The following COMMD7 variants were observed in gnomAD, a reference collection of about 807,000 sequenced individuals.
COMMD7 encodes COMM domain containing 7.
Under a neutral mutation model 34.8 loss-of-function variants are expected in COMMD7, and 28 were observed. That is an observed-to-expected ratio of 0.80 (90% confidence interval 0.60 to 1.10). The LOEUF (loss-of-function observed/expected upper bound fraction) is 1.10, where lower values mean the gene tolerates loss of function less well. COMMD7 is among the 50% of genes least tolerant of loss of function. The probability of loss-of-function intolerance (pLI) is 0.00; values close to 1 mark genes in which losing one functional copy is unlikely to be tolerated. For synonymous variants in COMMD7, 80 were observed against 86.4 expected, an observed-to-expected ratio of 0.93 and a Z score of 0.41; for missense variants, 211 against 241.6, an observed-to-expected ratio of 0.87 and a Z score of 0.84.
At chr20:32,722,164 G>GA (rs1985203457) in intron 3 of COMMD7, among the ~76,000 whole-genome samples, 1 of 143,024 alleles carries the variant, frequency 7.0e-6, no homozygotes, top group South Asian at 2.3e-4. Flanking sequence ...AGAATTGCTT[G>GA]AACCTTGTCG....
Position 32,728,162 on chromosome 20 carries a change from G to T in COMMD7, c.85-20C>A. ...GAACTGCTGTGAAGAAAACAACACA[G>T]AACATCAGTACAATTTCTACTACTG... On this transcript the variant is annotated intron_variant, in intron 1 of 8. Transcript: ENST00000278980. 6.2e-7 allele frequency: 1 copy of T among 1,613,144 alleles called. No individual in the cohort carries two copies. The highest frequency in any genetic ancestry group is 1.1e-5 in the South Asian group (1 of 91,034).
At chr20:32,737,745 G>T (rs1986219499) in intron 1 of COMMD7, among the ~76,000 whole-genome samples, 1 of 151,888 alleles carries the variant, frequency 6.6e-6, no homozygotes, top group Non-Finnish European at 1.5e-5. Context: ...GGCTGAGGCA[G>T]GAGGACTCCT....
At chr20:32,715,353 T>C (rs1294818514) in intron 3 of COMMD7, among the ~76,000 whole-genome samples, 1 of 145,522 alleles carries the variant, frequency 6.9e-6, no homozygotes, top group African/African-American at 2.5e-5. Context: ...AGTGGTGGCA[T>C]GCACTTGTGG....
chr20:32,739,644 C>CAAA (rs1176056154), intron 1 of COMMD7, among the ~76,000 whole-genome samples: 26 of 55,996 alleles, frequency 4.6e-4, no homozygotes, highest in Non-Finnish European at 7.3e-4. Context: ...GGCTCTGTAT[C>CAAA]AAAAAAAAAA....
chr20:32,712,267 C>T (rs28473582), intron 3 of COMMD7, among the ~76,000 whole-genome samples: 80,607 of 112,874 alleles, frequency 0.71, 28,437 homozygotes, highest in Middle Eastern at 0.84. Context: ...AAGACTCCGT[C>T]TCAAAAAAAA....
chr20:32,727,258 T>C (rs1358560796), intron 3 of COMMD7, among the ~76,000 whole-genome samples: 3 of 151,686 alleles, frequency 2.0e-5, no homozygotes, highest in African/African-American at 7.3e-5. Context: ...AAAAAAATTA[T>C]TAGATTCAGG....
chr20:32,738,478 T>C lies in COMMD7; in HGVS notation c.84+4830A>G, dbSNP rs60859110. Among the ~76,000 whole-genome samples, 235 of 152,192 alleles carry C rather than the reference T, an allele frequency of 1.5e-3. 12 individuals are homozygous for C. In the East Asian group the frequency reaches 0.042, roughly 27 times the overall value. On this transcript the variant is annotated intron_variant, in intron 1 of 8. Transcript: ENST00000278980. ...GGTGCACGCCTGTAGTCCCAGCTAC[T>C]TGGGAGGCTGAGGCAGGAGAATCAC...
At chr20:32,714,996 T>A (rs1984691398) in intron 3 of COMMD7, among the ~76,000 whole-genome samples, 1 of 143,872 alleles carries the variant, frequency 7.0e-6, no homozygotes, top group Non-Finnish European at 1.5e-5. Flanking sequence ...GGCAACGGAG[T>A]GGGACTCTGT....
chr20:32,714,113 A>AAAAAC (rs1319181971), intron 3 of COMMD7, among the ~76,000 whole-genome samples: 2 of 152,088 alleles, frequency 1.3e-5, no homozygotes, highest in African/African-American at 4.8e-5. Context: ...ACTCTGTCTT[A>AAAAAC]AAAACAAAAA....
At position 32,743,237 on chromosome 20, in the gene COMMD7, TC is replaced by T. The variant is rs1005226420; in HGVS notation, c.84+70del. On this transcript the variant is annotated intron_variant, in intron 1 of 8. Coordinates refer to ENST00000278980, the MANE Select transcript of COMMD7 (RefSeq NM_053041.3). ...CCCAACTCCCGCGCACCCCCGGACG[TC>T]CCCCCCACCCCAGGCCCGGATCCTG... 203 of 525,914 alleles carry T rather than the reference TC, an allele frequency of 3.9e-4. 2 individuals carry two copies. Among genetic ancestry groups the T allele is most frequent in the Middle Eastern group, 1.1e-3 (2 of 1,822 alleles). The allele number at this position is 525,914 out of a possible 1,614,324, so 32.6% of individuals were successfully genotyped here. A position where few individuals can be genotyped will look rare whatever the true frequency, so the allele number is the denominator to read the frequency against.
chr20:32,722,837 C>T (rs1181498232), intron 3 of COMMD7, among the ~76,000 whole-genome samples: 30 of 150,972 alleles, frequency 2.0e-4, no homozygotes, highest in Middle Eastern at 3.4e-3. Context: ...CTGGCTAACA[C>T]GGTGAAACCC....
intron 3 of COMMD7, among the ~76,000 whole-genome samples, chr20:32,727,054 ACT>A (rs1482895070): frequency 1.3e-5 from 2 of 151,472 alleles, no homozygotes; most frequent in Admixed American, 6.6e-5. Flanking sequence ...ACATAGAGAG[ACT>A]CTATCTCTAC....
chr20:32,727,257 A>T (rs1470753099), intron 3 of COMMD7, among the ~76,000 whole-genome samples: 3 of 151,976 alleles, frequency 2.0e-5, no homozygotes, highest in South Asian at 2.1e-4. Flanking sequence ...TAAAAAAATT[A>T]TTAGATTCAG....
intron 1 of COMMD7, among the ~76,000 whole-genome samples, chr20:32,730,620 G>T (rs1423396426): frequency 6.6e-6 from 1 of 152,074 alleles, no homozygotes; most frequent in Non-Finnish European, 1.5e-5. Flanking sequence ...GGGAAAACCA[G>T]GATGCCAGGG....
chr20:32,708,197 T>G (rs1474065420), intron 3 of COMMD7, among the ~76,000 whole-genome samples: 1 of 152,168 alleles, frequency 6.6e-6, no homozygotes, highest in Non-Finnish European at 1.5e-5. Flanking sequence ...AATCTGGGCT[T>G]CTCAATGTTT....
At chr20:32,705,140 A>G (rs536572364) in intron 5 of COMMD7, among the ~76,000 whole-genome samples, 7 of 151,788 alleles carry the variant, frequency 4.6e-5, no homozygotes, top group Non-Finnish European at 1.0e-4. Context: ...GATTTAATCC[A>G]TCTTGGAAAA....
At chr20:32,732,056 T>C (rs1467240626) in intron 1 of COMMD7, among the ~76,000 whole-genome samples, 1 of 152,170 alleles carries the variant, frequency 6.6e-6, no homozygotes, top group East Asian at 1.9e-4. Flanking sequence ...TGGGGTGACC[T>C]TTCTAGGGGC....
At chr20:32,726,486 A>G (rs1319890706) in intron 3 of COMMD7, among the ~76,000 whole-genome samples, 2 of 152,004 alleles carry the variant, frequency 1.3e-5, no homozygotes, top group African/African-American at 2.4e-5. Context: ...TGGATCACCT[A>G]AGGTCAGGAG....
chr20:32,726,638 G>A (rs1462369784), intron 3 of COMMD7, among the ~76,000 whole-genome samples: 1 of 152,148 alleles, frequency 6.6e-6, no homozygotes, highest in Non-Finnish European at 1.5e-5. Flanking sequence ...AGGAAGTGGA[G>A]GTTGCGGTGA....
Sources: allele counts gnomAD v4.1 joint callset (sites outside exome capture counted in the v4.1 genomes callset), GRCh38; gene constraint gnomAD v4.1.1; transcripts MANE v1.5; gene names NCBI Gene and HGNC (gene_info 2026-07-23, HGNC 2026-07-21).